SLC6A9: variants seen among roughly 807,000 people sequenced by gnomAD.
SLC6A9 encodes the protein sodium- and chloride-dependent glycine transporter 1.
SLC6A9 carries 31 observed loss-of-function variants against 70.9 expected under a neutral mutation model. The ratio of observed to expected loss-of-function variants is 0.44; its 90% CI spans 0.33 to 0.59. SLC6A9 has a LOEUF of 0.59. Ranked by LOEUF, SLC6A9 falls within the 20% of genes least tolerant of loss-of-function variation. The pLI, the probability that SLC6A9 is intolerant of heterozygous loss-of-function variation, is 0.04. For missense variants in SLC6A9, 631 were observed against 845.2 expected (o/e 0.75, Z 3.14); for synonymous variants, 310 against 341.3 (o/e 0.91, Z 1.01).
intron 2 of SLC6A9, chr1:44,015,969 G>A (rs150772641): frequency 9.0e-6 from 5 of 556,800 alleles, no homozygotes; most frequent in South Asian, 1.6e-4. Context: ...TGCCTTCAGA[G>A]TCCAGGCCTT....
rs549831308 is a variant in SLC6A9 at position 44,008,114 on chromosome 1, C to T, written c.590+239G>A. On this transcript the variant is annotated intron_variant, in intron 5 of 13. Transcript: ENST00000372310. The stretch of plus-strand genomic sequence containing the variant: ...CGATCTCCTGACCTCGTGATCTGCC[C>T]GCCTCGGCCTCCCAAAGTGCTGGGA... Among the ~76,000 whole-genome samples, 945 of 151,678 alleles carry T rather than the reference C, an allele frequency of 6.2e-3. 7 individuals are homozygous for T. Among genetic ancestry groups the T allele is most frequent in the Non-Finnish European group, 8.2e-3 (554 of 67,654 alleles).
intron 2 of SLC6A9, among the ~76,000 whole-genome samples, chr1:44,023,371 G>A (rs1301035981): frequency 1.3e-5 from 2 of 152,006 alleles, no homozygotes; most frequent in South Asian, 2.1e-4. Context: ...GGCCGGGTGC[G>A]GTGGCTCACA....
intron 1 of SLC6A9, among the ~76,000 whole-genome samples, chr1:44,025,263 C>T (rs1292612509): frequency 7.9e-6 from 1 of 126,444 alleles, no homozygotes; most frequent in Non-Finnish European, 1.5e-5. Flanking sequence ...CAGGCCAGCC[C>T]AGGATCTTGT....
chr1:44,021,355 A>T (rs987220034), intron 2 of SLC6A9, among the ~76,000 whole-genome samples: 2 of 152,284 alleles, frequency 1.3e-5, no homozygotes, highest in South Asian at 4.1e-4. Context: ...GGCAGAGACC[A>T]TCTGGGCTGG....
rs57419478 is a variant in SLC6A9 at position 44,022,717 on chromosome 1, TC to T, written c.30+1530del. ...TTTAATTTTTCTTTCTTTCTTTCTTTCTTTCTTTTTTTTTTTTTTGAGACAG... is the reference window on the plus strand; with the variant it reads ...TTTAATTTTTCTTTCTTTCTTTCTTTTTTCTTTTTTTTTTTTTTGAGACAG... On this transcript the variant is annotated intron_variant, in intron 2 of 13. Transcript: ENST00000372310. Among the ~76,000 whole-genome samples the T allele has an allele frequency of 3.0e-4, 29 of 97,336 alleles. No individual in the cohort carries two copies. The East Asian group carries it at 3.5e-3, about 12-fold the overall frequency. The allele number at this position is 97,336 out of a possible 152,430, so 63.9% of individuals were successfully genotyped here.
rs2086165734 is a variant in SLC6A9, at chr1:44,002,745, C to CGGCT, written c.724-103_724-100dup. On this transcript the variant is annotated intron_variant, in intron 6 of 13. Transcript: ENST00000372310. This position sits in a 1 kb window ranked among gnomAD's most constrained non-coding sequence, Gnocchi z 5.5. The stretch of plus-strand genomic sequence containing the variant: ...CACCACCAGCCCCCTGGTCCCTCTC[C>CGGCT]GGCTCCGGAGTCCCTTCAGCATCCC... 4 of 1,593,542 alleles carry CGGCT rather than the reference C, an allele frequency of 2.5e-6. No homozygotes were observed. Among genetic ancestry groups the CGGCT allele is most frequent in the South Asian group, 1.1e-5 (1 of 90,008 alleles).
chr1:44,024,337 G>A lies in SLC6A9; in HGVS notation c.-60C>T, dbSNP rs1427339912. ...CACACTCACAGGCTCTGCTTCCAGC[G>A]CCTTTCAGGCCACAGATCTCAAGAG... On this transcript the variant is annotated 5_prime_UTR_variant, in exon 2 of 14. Coordinates refer to ENST00000372310, the MANE Select transcript of SLC6A9 (RefSeq NM_001024845.3). 1.4e-5 allele frequency: 23 copies of A among 1,593,726 alleles called. No individual in the cohort carries two copies. Among genetic ancestry groups the A allele is most frequent in the African/African-American group, 6.7e-5 (5 of 74,562 alleles).
At chr1:44,010,642 T>C in intron 3 of SLC6A9, 84 bp downstream of exon 3, 10 of 1,354,436 alleles carry the variant, frequency 7.4e-6, no homozygotes, top group Non-Finnish European at 1.0e-5. Context: ...CTGGAGTGGG[T>C]CTGTGCCAGG....
chr1:44,011,209 TC>T (rs1471313143), intron 2 of SLC6A9, among the ~76,000 whole-genome samples: 1 of 151,418 alleles, frequency 6.6e-6, no homozygotes, highest in Non-Finnish European at 1.5e-5. Context: ...CTCCAAAACC[TC>T]CCCTTGCCCC....
chr1:44,017,944 G>A (rs1316999931), intron 2 of SLC6A9, among the ~76,000 whole-genome samples: 1 of 152,218 alleles, frequency 6.6e-6, no homozygotes, highest in Non-Finnish European at 1.5e-5. Context: ...GGTAGGTCCA[G>A]TGGTGTCGTC....
chr1:44,012,431 A>C (rs2086603636), intron 2 of SLC6A9, among the ~76,000 whole-genome samples: 1 of 152,246 alleles, frequency 6.6e-6, no homozygotes. Context: ...CACACCCTCC[A>C]CAGAGGGCAG....
At chr1:44,010,412 G>C (rs1047342022) in intron 3 of SLC6A9, 27 of 422,698 alleles carry the variant, frequency 6.4e-5, no homozygotes, top group Non-Finnish European at 1.1e-4. Flanking sequence ...AACCATTTAG[G>C]GGGGCTGCTG....
At chr1:44,025,341 C>T (rs1358356196) in intron 1 of SLC6A9, among the ~76,000 whole-genome samples, 2 of 152,216 alleles carry the variant, frequency 1.3e-5, no homozygotes, top group South Asian at 4.1e-4. Flanking sequence ...GGAACAGTCT[C>T]ATGGCAATGC....
chr1:44,005,425 T>C (rs1490963116), intron 5 of SLC6A9, among the ~76,000 whole-genome samples: 2 of 152,208 alleles, frequency 1.3e-5, no homozygotes, highest in East Asian at 1.9e-4. Flanking sequence ...ATCTTACTTT[T>C]GATTAGCTTC....
intron 1 of SLC6A9, among the ~76,000 whole-genome samples, chr1:44,030,022 G>C (rs901133643): frequency 3.3e-5 from 5 of 152,176 alleles, no homozygotes; most frequent in African/African-American, 1.2e-4. Flanking sequence ...AGCTGTCAGC[G>C]AGCAAGCGTC....
Position 43,997,661 on chromosome 1 carries a change from TG to T in SLC6A9, c.1785del (p.Thr596ProfsTer2). ...CCGTCCTCAGGAGAGGGGGCTATGG[TG>T]GGGGCGTAGCGCCCTGTCCGGTGCT... The part of the protein sequence containing the change: ...LLEHRTGRYA[P>X]TIAPSPEDGF... On this transcript the variant is annotated frameshift_variant, in exon 14 of 14. Coordinates refer to ENST00000372310, the MANE Select transcript of SLC6A9 (RefSeq NM_001024845.3). LOFTEE classifies it high-confidence loss of function. This position sits in a 1 kb window ranked among gnomAD's most constrained non-coding sequence, Gnocchi z 4.4. 2 of 1,613,694 alleles carry T rather than the reference TG, an allele frequency of 1.2e-6. No homozygotes were observed. Among genetic ancestry groups the T allele is most frequent in the Non-Finnish European group, 1.7e-6 (2 of 1,179,848 alleles).
chr1:44,000,984 G>A lies in SLC6A9; in HGVS notation c.1407C>T (p.Ile469=). The A allele has an allele frequency of 6.3e-7, 1 of 1,590,246 alleles. No homozygotes were observed. The highest frequency in any genetic ancestry group is 8.6e-7 in the Non-Finnish European group (1 of 1,166,570). ...ASFSLVVISC[I]MCVAIMYIYG... ...AGATGTACATGATGGCCACACACAT[G>A]ATGCAGGAGATGACCACCAAGGAGA... Residue 469 remains isoleucine, a synonymous_variant, in exon 11 of 14, where the codon ATC becomes ATT. Coordinates refer to ENST00000372310, the MANE Select transcript of SLC6A9 (RefSeq NM_001024845.3).
chr1:44,024,320 C>T lies in SLC6A9; in HGVS notation c.-43G>A. 6.2e-7 allele frequency: 1 copy of T among 1,613,006 alleles called. No homozygotes were observed. Among genetic ancestry groups the T allele is most frequent in the Non-Finnish European group, 8.5e-7 (1 of 1,178,912 alleles). ...GCTCTGGTGACGGGGACCACACTCA[C>T]AGGCTCTGCTTCCAGCGCCTTTCAG... is the stretch of plus-strand genomic sequence containing the variant. On this transcript the variant is annotated 5_prime_UTR_variant, in exon 2 of 14. It adds an upstream start codon to the 5' untranslated region. Coordinates refer to ENST00000372310, the MANE Select transcript of SLC6A9 (RefSeq NM_001024845.3).
At position 44,013,690 on chromosome 1, in the gene SLC6A9, C is replaced by A. The variant is rs1024239478; in HGVS notation, c.31-2808G>T. 6.6e-6 allele frequency among the ~76,000 whole-genome samples: 1 copy of A among 152,118 alleles called. No homozygotes were observed. Among genetic ancestry groups the A allele is most frequent in the African/African-American group, 2.4e-5 (1 of 41,404 alleles). On this transcript the variant is annotated intron_variant, in intron 2 of 13. Transcript: ENST00000372310. This position sits in a 1 kb window ranked among gnomAD's most constrained non-coding sequence, Gnocchi z 5.3. ...TCCAGGGCTGTCTACGCTCAGGTGG[C>A]TTGGCTGGGGAGGGCTGAGCTCTCA...
Sources: gnomAD v4.1 joint callset for allele counts (sites outside exome capture counted in the v4.1 genomes callset) on GRCh38, gnomAD v4.1.1 for gene constraint, Gnocchi (gnomAD v3.1) non-coding constraint, MANE v1.5 for transcripts, NCBI Gene and HGNC (gene_info 2026-07-23, HGNC 2026-07-21) for gene names.